LMLN: variants seen among roughly 807,000 people sequenced by gnomAD.
The protein encoded by LMLN is leishmanolysin like peptidase.
In LMLN, 70 loss-of-function variants were observed where a neutral mutation model predicts 92.3. The ratio of observed to expected loss-of-function variants is 0.76; its 90% CI spans 0.63 to 0.92. The LOEUF (loss-of-function observed/expected upper bound fraction) is 0.92, where lower values mean the gene tolerates loss of function less well. LMLN is among the 40% of genes least tolerant of loss of function. LMLN has a pLI of 0.00. For missense variants in LMLN, 691 were observed against 814.6 expected, an observed-to-expected ratio of 0.85 and a Z score of 1.85; for synonymous variants, 308 against 296.2, an observed-to-expected ratio of 1.04 and a Z score of -0.41.
chr3:197,988,667 T>A (rs1205150104), intron 8 of LMLN, among the ~76,000 whole-genome samples: 1 of 151,576 alleles, frequency 6.6e-6, no homozygotes, highest in Non-Finnish European at 1.5e-5. Flanking sequence ...TCTAGTTTTT[T>A]ATTTTTATTT....
intron 14 of LMLN, among the ~76,000 whole-genome samples, chr3:198,026,670 G>A (rs1208328819): frequency 2.0e-5 from 3 of 152,162 alleles, no homozygotes; most frequent in Non-Finnish European, 2.9e-5. Context: ...TACCCCTGAC[G>A]TGGAATTAAC....
At chr3:197,991,434 CATG>C (rs1255550392) in intron 9 of LMLN, among the ~76,000 whole-genome samples, 13 of 152,096 alleles carry the variant, frequency 8.5e-5, no homozygotes, top group Non-Finnish European at 1.6e-4. Context: ...ATTTGGCTCA[CATG>C]ACTGTGGAAG....
chr3:198,013,847 CT>C (rs1722529129), intron 11 of LMLN, among the ~76,000 whole-genome samples: 1 of 142,524 alleles, frequency 7.0e-6, no homozygotes, highest in Admixed American at 6.8e-5. Context: ...TTCAGAGCCC[CT>C]TAACTAGTCT....
intron 1 of LMLN, 68 bp downstream of exon 1, chr3:197,960,508 A>G: frequency 6.9e-7 from 1 of 1,442,540 alleles, no homozygotes; most frequent in Non-Finnish European, 9.6e-7. Flanking sequence ...GGCGTAGGAG[A>G]TAGTGACTGG....
chr3:198,033,151 C>T (rs1055325908), intron 14 of LMLN, among the ~76,000 whole-genome samples: 1 of 152,200 alleles, frequency 6.6e-6, no homozygotes, highest in East Asian at 1.9e-4. Flanking sequence ...GAGTTTTCCT[C>T]TTGTCCTATC....
intron 5 of LMLN, among the ~76,000 whole-genome samples, chr3:197,977,204 C>T (rs916350769): frequency 6.6e-6 from 1 of 152,150 alleles, no homozygotes; most frequent in Non-Finnish European, 1.5e-5. Flanking sequence ...TAGTAGAATA[C>T]TGTGCAGTTG....
At chr3:197,965,495 CCT>C (rs1204941845) in intron 1 of LMLN, among the ~76,000 whole-genome samples, 2 of 152,066 alleles carry the variant, frequency 1.3e-5, no homozygotes, top group Non-Finnish European at 2.9e-5. Context: ...CCTGCCTTGG[CCT>C]CCCAAAGTGC....
intron 9 of LMLN, among the ~76,000 whole-genome samples, chr3:197,991,059 C>T (rs966587285): frequency 1.3e-5 from 2 of 151,358 alleles, no homozygotes; most frequent in African/African-American, 4.9e-5. Flanking sequence ...AGAAAGAATA[C>T]GAGAGAGGAG....
At chr3:197,999,410 T>A in intron 11 of LMLN, 68 bp downstream of exon 11, 1 of 1,102,906 alleles carries the variant, frequency 9.1e-7, no homozygotes, top group Non-Finnish European at 1.4e-6. Context: ...GCTTATAGCT[T>A]AAGAAAATGC....
intron 11 of LMLN, among the ~76,000 whole-genome samples, chr3:198,000,867 C>A (rs953098779): frequency 1.3e-5 from 2 of 152,122 alleles, no homozygotes; most frequent in African/African-American, 4.8e-5. Context: ...CAATACTTAC[C>A]CTGACCACCT....
intron 1 of LMLN, among the ~76,000 whole-genome samples, chr3:197,965,104 T>C (rs1226879167): frequency 6.6e-6 from 1 of 151,596 alleles, no homozygotes; most frequent in African/African-American, 2.4e-5. Context: ...CACCTCGAAC[T>C]CCTGTGTTCA....
rs1474823406 is a variant in LMLN, at chr3:198,016,883, T to G, written c.1233-2370T>G. Among the ~76,000 whole-genome samples, 3 of 152,166 alleles carry G rather than the reference T, an allele frequency of 2.0e-5. No individual in the cohort carries two copies. In the East Asian group the frequency reaches 5.8e-4, roughly 29 times the overall value. On this transcript the variant is annotated intron_variant, in intron 11 of 15. Transcript: ENST00000330198. ...GTTTTGAGGGTTATTACAGTCTCTG[T>G]CACAACTACTTACCTCTACTTTTAT...
At chr3:197,975,987 TC>T (rs779709696) in intron 3 of LMLN, 41 bp from the exon 4 acceptor site, 5 of 1,170,906 alleles carry the variant, frequency 4.3e-6, no homozygotes, top group Non-Finnish European at 6.2e-6. Flanking sequence ...ATTTATCTCT[TC>T]CTTATAATTC....
chr3:198,015,608 C>G (rs1189207271), intron 11 of LMLN, among the ~76,000 whole-genome samples: 1 of 139,762 alleles, frequency 7.2e-6, no homozygotes, highest in East Asian at 2.2e-4. Flanking sequence ...TGACTTCTCT[C>G]CACCCTTCAG....
rs987901073 is a variant in LMLN, at chr3:198,026,286, A to G, written c.1656+1498A>G. Among the ~76,000 whole-genome samples, 11 of 150,834 alleles carry G rather than the reference A, an allele frequency of 7.3e-5. 1 individual carries two copies. Among genetic ancestry groups the G allele is most frequent in the African/African-American group, 1.2e-4 (5 of 40,962 alleles). ...ATAGCACTATCAAGATATATTTTAC[A>G]TACCATACAATTTATGTAAAATTAA... On this transcript the variant is annotated intron_variant, in intron 14 of 15. Coordinates refer to ENST00000330198, the Ensembl canonical transcript of LMLN.
At chr3:197,978,202 C>T (rs1342266411) in intron 5 of LMLN, among the ~76,000 whole-genome samples, 2 of 152,150 alleles carry the variant, frequency 1.3e-5, no homozygotes, top group African/African-American at 4.8e-5. Flanking sequence ...AGTATACACA[C>T]GTTAATTCTG....
intron 7 of LMLN, among the ~76,000 whole-genome samples, chr3:197,985,214 C>G (rs923096510): frequency 2.6e-5 from 4 of 152,046 alleles, no homozygotes; most frequent in African/African-American, 9.7e-5. Context: ...CAGCTCTGGT[C>G]CAGCTCTTGT....
At chr3:198,006,725 T>C (rs1467818352) in intron 11 of LMLN, among the ~76,000 whole-genome samples, 1 of 152,164 alleles carries the variant, frequency 6.6e-6, no homozygotes, top group Admixed American at 6.6e-5. Flanking sequence ...GTCTTTTTTT[T>C]TTTCTGAGAT....
chr3:197,991,188 C>G (rs1721857137), intron 9 of LMLN, among the ~76,000 whole-genome samples: 1 of 151,000 alleles, frequency 6.6e-6, no homozygotes, highest in South Asian at 2.1e-4. Flanking sequence ...ACTGCAACCT[C>G]TGTCTCCTGC....
Sources: allele counts gnomAD v4.1 joint callset (sites outside exome capture counted in the v4.1 genomes callset), GRCh38; gene constraint gnomAD v4.1.1; transcripts MANE v1.5; gene names NCBI Gene and HGNC (gene_info 2026-07-23, HGNC 2026-07-21).